The following KAT6B variants were observed in gnomAD, a reference collection of about 807,000 sequenced individuals.
KAT6B encodes histone acetyltransferase KAT6B.
KAT6B carries 10 observed loss-of-function variants against 187.5 expected under a neutral mutation model. That is an observed-to-expected ratio of 0.05 (90% CI 0.03 to 0.09). The LOEUF (loss-of-function observed/expected upper bound fraction) is 0.09. KAT6B is among the 10% of genes least tolerant of loss of function. The pLI, the probability that KAT6B is intolerant of heterozygous loss-of-function variation, is 1.00. For synonymous variants in KAT6B, 861 were observed against 926.8 expected (o/e 0.93, Z 1.29); for missense variants, 1,952 against 2,558.9 (o/e 0.76, Z 5.12).
intron 3 of KAT6B, among the ~76,000 whole-genome samples, chr10:74,878,002 G>T (rs757430346): frequency 1.1e-4 from 17 of 151,884 alleles, no homozygotes; most frequent in Non-Finnish European, 1.9e-4. Context: ...ATATTGAAAT[G>T]CAGTCTCCCT....
At chr10:74,939,541 T>C (rs1461520180) in intron 3 of KAT6B, among the ~76,000 whole-genome samples, 1 of 151,992 alleles carries the variant, frequency 6.6e-6, no homozygotes, top group East Asian at 1.9e-4. Flanking sequence ...GCTGGGACTA[T>C]AGGTGTGCGC....
intron 3 of KAT6B, among the ~76,000 whole-genome samples, chr10:74,933,996 G>A (rs1379689715): frequency 6.6e-6 from 1 of 151,960 alleles, no homozygotes; most frequent in Non-Finnish European, 1.5e-5. Flanking sequence ...GACCAGCCTG[G>A]CCAGCATGAT....
chr10:74,969,433 T>C (rs1327414686), intron 4 of KAT6B, among the ~76,000 whole-genome samples: 1 of 152,168 alleles, frequency 6.6e-6, no homozygotes, highest in South Asian at 2.1e-4. Flanking sequence ...TTAAGTTCTC[T>C]TAGGGAAAAC....
At chr10:74,912,099 G>A (rs1301135269) in intron 3 of KAT6B, among the ~76,000 whole-genome samples, 1 of 152,112 alleles carries the variant, frequency 6.6e-6, no homozygotes, top group African/African-American at 2.4e-5. Context: ...AGTTATCACA[G>A]CCAGGTGCAA....
intron 13 of KAT6B, among the ~76,000 whole-genome samples, chr10:75,001,719 G>A (rs1158205366): frequency 2.0e-5 from 3 of 152,196 alleles, no homozygotes; most frequent in Non-Finnish European, 4.4e-5. Context: ...TAGAGACTAA[G>A]TGGTTTCATC....
chr10:74,921,122 T>G (rs1314442012), intron 3 of KAT6B, among the ~76,000 whole-genome samples: 1 of 148,884 alleles, frequency 6.7e-6, no homozygotes, highest in African/African-American at 2.5e-5. Context: ...TTTTTTTTTT[T>G]TTTTTTTTTG....
At chr10:74,965,908 T>TC (rs1841432384) in intron 4 of KAT6B, among the ~76,000 whole-genome samples, 1 of 151,844 alleles carries the variant, frequency 6.6e-6, no homozygotes, top group Non-Finnish European at 1.5e-5. Context: ...TGTATTTTTT[T>TC]TTTTTTTTAG....
Position 74,852,798 on chromosome 10 carries a change from T to G in KAT6B, c.621+9320T>G, listed in dbSNP as rs16931777. Among the ~76,000 whole-genome samples, 223 of 152,322 alleles carry G rather than the reference T, an allele frequency of 1.5e-3. 2 individuals carry two copies. Among genetic ancestry groups the G allele is most frequent in the African/African-American group, 5.2e-3 (215 of 41,566 alleles). On this transcript the variant is annotated intron_variant, in intron 3 of 17. Coordinates refer to ENST00000287239, the MANE Select transcript of KAT6B (RefSeq NM_012330.4). ...TTTGGATCTTAGATAGATTTGATAGTTGTGATACCTTTACTGTATGTAACA... is the reference window on the plus strand; with the variant it reads ...TTTGGATCTTAGATAGATTTGATAGGTGTGATACCTTTACTGTATGTAACA...
chr10:74,960,880 T>C (rs1350711103), intron 4 of KAT6B, among the ~76,000 whole-genome samples: 3 of 152,236 alleles, frequency 2.0e-5, no homozygotes, highest in African/African-American at 7.2e-5. Context: ...TTATCCTTGA[T>C]TGCTGCACGT....
intron 3 of KAT6B, among the ~76,000 whole-genome samples, chr10:74,903,554 C>T (rs1423181397): frequency 2.0e-5 from 3 of 152,202 alleles, no homozygotes; most frequent in Non-Finnish European, 2.9e-5. Context: ...GTCCTACAAC[C>T]GCTAGGAACC....
At chr10:74,976,381 C>A in intron 8 of KAT6B, 51 bp downstream of exon 8, 1 of 1,476,050 alleles carries the variant, frequency 6.8e-7, no homozygotes, top group Non-Finnish European at 9.4e-7. Context: ...TCCCTTTCTC[C>A]CCAACCCTGA....
At chr10:74,971,790 A>T (rs1461701269) in intron 6 of KAT6B, among the ~76,000 whole-genome samples, 1 of 152,048 alleles carries the variant, frequency 6.6e-6, no homozygotes, top group Non-Finnish European at 1.5e-5. Context: ...TTATTTTTTC[A>T]TATTACAATA....
At chr10:74,976,722 AG>A (rs2133738799) in intron 8 of KAT6B, 3 of 283,826 alleles carry the variant, frequency 1.1e-5, no homozygotes, top group Non-Finnish European at 1.9e-5. Context: ...TGCTTCCAAC[AG>A]GGGGTGTTTC....
At chr10:74,973,266 T>G (rs543777818) in intron 7 of KAT6B, among the ~76,000 whole-genome samples, 1 of 152,344 alleles carries the variant, frequency 6.6e-6, no homozygotes, top group Admixed American at 6.5e-5. Flanking sequence ...CACTATCTTG[T>G]TGCTGTATAA....
intron 3 of KAT6B, among the ~76,000 whole-genome samples, chr10:74,910,788 A>G (rs1847146893): frequency 6.6e-6 from 1 of 152,100 alleles, no homozygotes; most frequent in Admixed American, 6.5e-5. Context: ...AGATGTCACC[A>G]CTCATTTTAA....
chr10:74,938,512 A>G (rs1849424833), intron 3 of KAT6B, among the ~76,000 whole-genome samples: 1 of 152,230 alleles, frequency 6.6e-6, no homozygotes, highest in East Asian at 1.9e-4. Context: ...AAGAAAAACC[A>G]TGCCTGACAA....
chr10:75,030,065 C>G lies in KAT6B; in HGVS notation c.5241C>G (p.Ser1747Arg), dbSNP rs1363271666. The G allele has an allele frequency of 6.2e-7, 1 of 1,614,102 alleles. No homozygotes were observed. The highest frequency in any genetic ancestry group is 1.7e-5 in the Admixed American group (1 of 60,012). Residue 1747 changes from serine to arginine, a missense_variant, in exon 18 of 18, where the codon AGC (serine) becomes AGG (arginine). Ser to Arg is a moderately radical substitution (Grantham distance 110). Coordinates refer to ENST00000287239, the MANE Select transcript of KAT6B (RefSeq NM_012330.4). This position sits in a 1 kb window ranked among gnomAD's most constrained non-coding sequence, Gnocchi z 4.8. ...GCATCAGCTCCCCTCCGACCTGCAG[C>G]GTCAAGTCTCCTCAAGGCTGTGTGG... is the stretch of plus-strand genomic sequence containing the variant. ...QTSISSPPTCSVKSPQGCVVE... is the reference protein window; with the variant it reads ...QTSISSPPTCRVKSPQGCVVE...
intron 3 of KAT6B, among the ~76,000 whole-genome samples, chr10:74,847,151 A>G (rs1359967275): frequency 2.0e-5 from 3 of 152,240 alleles, no homozygotes; most frequent in African/African-American, 7.2e-5. Flanking sequence ...ATTGCTTAGC[A>G]GGCAATTGTT....
intron 13 of KAT6B, among the ~76,000 whole-genome samples, chr10:75,011,727 T>C (rs1269266568): frequency 2.6e-5 from 4 of 152,184 alleles, no homozygotes; most frequent in Non-Finnish European, 4.4e-5. Context: ...AAATTTTTAT[T>C]CTTCTAATCC....
Sources: gnomAD v4.1 joint callset for allele counts (sites outside exome capture counted in the v4.1 genomes callset) on GRCh38, gnomAD v4.1.1 for gene constraint, Gnocchi (gnomAD v3.1) non-coding constraint, MANE v1.5 for transcripts, NCBI Gene and HGNC (gene_info 2026-07-23, HGNC 2026-07-21) for gene names.